Variants in PTGER3 observed in about 807,000 individuals in gnomAD.
PTGER3 encodes prostaglandin E receptor 3.
A neutral mutation model predicts 34.7 loss-of-function variants in PTGER3; 22 were observed. The ratio of observed to expected loss-of-function variants is 0.63; its 90% CI spans 0.45 to 0.91. PTGER3 has a LOEUF of 0.91. Among genes scored for constraint, PTGER3 ranks in the 40% least tolerant of loss-of-function variants. The probability of loss-of-function intolerance (pLI) is 0.00; values close to 1 mark genes in which losing one functional copy is unlikely to be tolerated. For synonymous variants in PTGER3, 241 were observed against 230.1 expected (o/e 1.05, Z -0.43); for missense variants, 468 against 519.4 (o/e 0.90, Z 0.96).
At chr1:71,046,659 C>T in intron 1 of PTGER3, 22 bp downstream of exon 1, 1 of 1,524,140 alleles carries the variant, frequency 6.6e-7, no homozygotes, top group Non-Finnish European at 8.8e-7. Flanking sequence ...TCCTGACTTC[C>T]CCCAACCCTG....
At chr1:70,916,477 AC>A (rs1647177178) in intron 4 of PTGER3, among the ~76,000 whole-genome samples, 1 of 152,084 alleles carries the variant, frequency 6.6e-6, no homozygotes, top group African/African-American at 2.4e-5. Context: ...CATAGAATCA[AC>A]CTAGGTGCCC....
intron 2 of PTGER3, among the ~76,000 whole-genome samples, chr1:70,988,797 C>G (rs771812582): frequency 6.6e-6 from 1 of 151,984 alleles, no homozygotes; most frequent in Non-Finnish European, 1.5e-5. Context: ...GTGATAAAGT[C>G]ATCCCATCAG....
intron 4 of PTGER3, among the ~76,000 whole-genome samples, chr1:70,901,609 A>G (rs192906518): frequency 9.7e-4 from 147 of 152,320 alleles, no homozygotes; most frequent in Middle Eastern, 3.4e-3. Context: ...GAGCAAAGGC[A>G]GTACCTACCT....
intron 4 of PTGER3, among the ~76,000 whole-genome samples, chr1:70,889,015 G>A (rs899009057): frequency 6.6e-6 from 1 of 152,124 alleles, no homozygotes; most frequent in Non-Finnish European, 1.5e-5. Flanking sequence ...TTTATGTGGT[G>A]TTAAATATTT....
At chr1:70,981,684 C>T (rs1198326806) in intron 2 of PTGER3, among the ~76,000 whole-genome samples, 1 of 152,080 alleles carries the variant, frequency 6.6e-6, no homozygotes, top group Non-Finnish European at 1.5e-5. Flanking sequence ...GTTGGGATTA[C>T]AGGCATGAGC....
chr1:70,978,537 A>G (rs1311213938), intron 2 of PTGER3, among the ~76,000 whole-genome samples: 1 of 152,170 alleles, frequency 6.6e-6, no homozygotes, highest in Non-Finnish European at 1.5e-5. Flanking sequence ...CAGGCTTCTG[A>G]TATCAGAGGA....
chr1:70,858,734 G>A (rs1645864005), intron 4 of PTGER3, among the ~76,000 whole-genome samples: 1 of 152,176 alleles, frequency 6.6e-6, no homozygotes, highest in Admixed American at 6.5e-5. Flanking sequence ...CAGGACCTGT[G>A]TTCTTTCTCT....
At chr1:70,947,395 C>T (rs1288622077) in intron 4 of PTGER3, 1 of 154,266 alleles carries the variant, frequency 6.5e-6, no homozygotes, top group African/African-American at 2.4e-5. Context: ...GCTTCCTCCT[C>T]ATCTTCTCTT....
intron 2 of PTGER3, among the ~76,000 whole-genome samples, chr1:70,958,329 T>C (rs1651571749): frequency 6.6e-6 from 1 of 152,166 alleles, no homozygotes; most frequent in African/African-American, 2.4e-5. Flanking sequence ...TGTGTAAGAG[T>C]TCCCTTTCCT....
At chr1:70,995,407 G>A (rs186317174) in intron 2 of PTGER3, among the ~76,000 whole-genome samples, 2 of 152,158 alleles carry the variant, frequency 1.3e-5, no homozygotes, top group East Asian at 3.9e-4. Flanking sequence ...CTAAGTCTCT[G>A]CTCTTGAAAT....
chr1:70,883,349 TA>T, intron 4 of PTGER3, among the ~76,000 whole-genome samples: 1 of 152,258 alleles, frequency 6.6e-6, no homozygotes, highest in East Asian at 1.9e-4. Context: ...GCAAATTTTA[TA>T]ATTACTTTGA....
chr1:70,973,278 G>A (rs899748985), intron 3 of PTGER3, among the ~76,000 whole-genome samples: 1 of 151,720 alleles, frequency 6.6e-6, no homozygotes, highest in Non-Finnish European at 1.5e-5. Flanking sequence ...TGATAGATAC[G>A]TAGACAGATA....
At chr1:70,938,884 A>G (rs1007004326) in intron 4 of PTGER3, among the ~76,000 whole-genome samples, 3 of 152,078 alleles carry the variant, frequency 2.0e-5, no homozygotes, top group Admixed American at 2.0e-4. Context: ...GGAAAATTCC[A>G]CGCCGGCCCC....
chr1:70,981,371 CTTTCTTTCTTTCTTTCT>C (rs1557708990), intron 2 of PTGER3, among the ~76,000 whole-genome samples: 141 of 102,726 alleles, frequency 1.4e-3, no homozygotes, highest in Non-Finnish European at 2.1e-3. Context: ...TTCTTTCTTT[CTTTCTTTCTTTCTTTCT>C]TTCTTTCCTT....
intron 4 of PTGER3, among the ~76,000 whole-genome samples, chr1:70,856,258 T>C (rs1645801154): frequency 6.6e-6 from 1 of 151,924 alleles, no homozygotes; most frequent in Admixed American, 6.6e-5. Flanking sequence ...TTATACAATG[T>C]GATTATTGAA....
chr1:70,929,528 C>T (rs936132823), intron 4 of PTGER3, among the ~76,000 whole-genome samples: 5 of 152,126 alleles, frequency 3.3e-5, no homozygotes, highest in African/African-American at 1.2e-4. Context: ...TTGTAATACA[C>T]AGCACTCTGT....
chr1:70,977,298 T>G (rs1653800389), intron 2 of PTGER3, among the ~76,000 whole-genome samples: 1 of 152,106 alleles, frequency 6.6e-6, no homozygotes, highest in Non-Finnish European at 1.5e-5. Context: ...TCCTGTGCCA[T>G]TTATGGTTTA....
intron 4 of PTGER3, among the ~76,000 whole-genome samples, chr1:70,943,339 G>A (rs1649926135): frequency 6.6e-6 from 1 of 152,006 alleles, no homozygotes; most frequent in Non-Finnish European, 1.5e-5. Flanking sequence ...ATATGGCCAG[G>A]GTGACAATCA....
At chr1:70,870,330 C>G (rs1457870379) in intron 4 of PTGER3, among the ~76,000 whole-genome samples, 2 of 152,204 alleles carry the variant, frequency 1.3e-5, no homozygotes, top group Non-Finnish European at 2.9e-5. Context: ...ATTCTTCCTT[C>G]CTAGGTCTTT....
Sources: gnomAD v4.1 joint callset for allele counts (sites outside exome capture counted in the v4.1 genomes callset) on GRCh38, gnomAD v4.1.1 for gene constraint, MANE v1.5 for transcripts, NCBI Gene and HGNC (gene_info 2026-07-23, HGNC 2026-07-21) for gene names.